The following NTNG1 variants were observed in gnomAD, a reference collection of about 807,000 sequenced individuals.
The protein encoded by NTNG1 is netrin-G1.
A neutral mutation model predicts 54.0 loss-of-function variants in NTNG1; 16 were observed. The ratio of observed to expected loss-of-function variants is 0.30; its 90% confidence interval spans 0.20 to 0.45. NTNG1 has a LOEUF of 0.45. Among genes scored for constraint, NTNG1 ranks in the 20% least tolerant of loss-of-function variants. The pLI is 1.00. For synonymous variants in NTNG1, 255 were observed against 263.1 expected (o/e 0.97, Z 0.30); for missense variants, 530 against 678.7 (o/e 0.78, Z 2.43).
At chr1:107,361,385 A>T (rs1236177243) in intron 3 of NTNG1, among the ~76,000 whole-genome samples, 22 of 72,572 alleles carry the variant, frequency 3.0e-4, no homozygotes, top group African/African-American at 9.2e-4. Flanking sequence ...ATATATATAT[A>T]TATATATTTT....
chr1:107,365,720 C>T (rs1441779034), intron 3 of NTNG1, among the ~76,000 whole-genome samples: 2 of 152,042 alleles, frequency 1.3e-5, no homozygotes, highest in African/African-American at 2.4e-5. Context: ...TAACATAATC[C>T]CTCAGGATCT....
intron 3 of NTNG1, among the ~76,000 whole-genome samples, chr1:107,359,961 A>G (rs549873862): frequency 2.0e-5 from 3 of 152,276 alleles, no homozygotes; most frequent in African/African-American, 7.2e-5. Flanking sequence ...GTCCCCAGAT[A>G]TATCTTATTT....
rs145338990 is a variant in NTNG1 at position 107,429,822 on chromosome 1, T to A, written c.1088-928T>A. Among the ~76,000 whole-genome samples, 506 of 152,256 alleles carry A rather than the reference T, an allele frequency of 3.3e-3. 3 individuals carry two copies. The highest frequency in any genetic ancestry group is 0.011 in the African/African-American group (471 of 41,570). ...TTTATTTTTAAAAGGTTGAATTGGA[T>A]TTACAACTTCTTTCTCTAGTTGAGA... On this transcript the variant is annotated intron_variant, in intron 5 of 7. Transcript: ENST00000370068.
At chr1:107,438,489 C>A (rs1015037115) in intron 7 of NTNG1, among the ~76,000 whole-genome samples, 1 of 152,106 alleles carries the variant, frequency 6.6e-6, no homozygotes, top group Non-Finnish European at 1.5e-5. Context: ...TCAATCATGG[C>A]ACAGCTAGAC....
intron 3 of NTNG1, among the ~76,000 whole-genome samples, chr1:107,381,718 T>C (rs771292511): frequency 3.3e-5 from 5 of 152,176 alleles, no homozygotes; most frequent in Non-Finnish European, 5.9e-5. Flanking sequence ...TTAAACCAAA[T>C]AGAGATTATT....
At chr1:107,353,336 G>T (rs551077682) in intron 3 of NTNG1, among the ~76,000 whole-genome samples, 34 of 152,124 alleles carry the variant, frequency 2.2e-4, no homozygotes, top group African/African-American at 7.7e-4. Context: ...AATTTATTTT[G>T]CCAGATACCC....
intron 2 of NTNG1, among the ~76,000 whole-genome samples, chr1:107,221,560 A>G (rs972274504): frequency 3.3e-5 from 5 of 152,162 alleles, no homozygotes; most frequent in East Asian, 1.9e-4. Context: ...CTTTCTAGGT[A>G]GAGGGAACAT....
At chr1:107,250,491 A>G (rs1330739492) in intron 2 of NTNG1, among the ~76,000 whole-genome samples, 2 of 152,182 alleles carry the variant, frequency 1.3e-5, no homozygotes, top group Non-Finnish European at 2.9e-5. Context: ...TGTGCTGACC[A>G]TGGCACATGT....
At chr1:107,177,591 C>T (rs1289363241) in intron 2 of NTNG1, among the ~76,000 whole-genome samples, 1 of 152,114 alleles carries the variant, frequency 6.6e-6, no homozygotes, top group Non-Finnish European at 1.5e-5. Flanking sequence ...CCTCAGCCTC[C>T]CAAAGTGCTG....
intron 2 of NTNG1, among the ~76,000 whole-genome samples, chr1:107,258,619 C>T (rs1405803864): frequency 2.0e-5 from 3 of 152,100 alleles, no homozygotes; most frequent in East Asian, 3.9e-4. Context: ...CCTGATTTTC[C>T]AAATGAGAAA....
chr1:107,149,668 A>G (rs898087812), intron 2 of NTNG1, among the ~76,000 whole-genome samples: 6 of 152,132 alleles, frequency 3.9e-5, no homozygotes, highest in Non-Finnish European at 5.9e-5. Flanking sequence ...TAAGAAAGAC[A>G]TGGCTGACAA....
At chr1:107,201,182 A>G (rs2101286709) in intron 2 of NTNG1, among the ~76,000 whole-genome samples, 1 of 150,800 alleles carries the variant, frequency 6.6e-6, no homozygotes, top group East Asian at 1.9e-4. Flanking sequence ...ATTCTCACAG[A>G]TAATGATGGA....
chr1:107,368,336 A>G (rs550227939), intron 3 of NTNG1, among the ~76,000 whole-genome samples: 4 of 152,320 alleles, frequency 2.6e-5, no homozygotes, highest in East Asian at 1.9e-4. Flanking sequence ...CCTAAAAAAA[A>G]AAAACATTGG....
chr1:107,363,819 ATAT>A (rs1039850612), intron 3 of NTNG1, among the ~76,000 whole-genome samples: 5 of 152,218 alleles, frequency 3.3e-5, no homozygotes, highest in Non-Finnish European at 7.3e-5. Flanking sequence ...ATTTCCTCAA[ATAT>A]TATATACAAT....
At chr1:107,333,247 C>A (rs971216483) in intron 3 of NTNG1, among the ~76,000 whole-genome samples, 7 of 152,040 alleles carry the variant, frequency 4.6e-5, no homozygotes, top group Non-Finnish European at 1.0e-4. Flanking sequence ...AATAGATTCT[C>A]ACTCTGGTTG....
At chr1:107,463,258 G>A (rs762946175) in intron 7 of NTNG1, among the ~76,000 whole-genome samples, 1 of 152,196 alleles carries the variant, frequency 6.6e-6, no homozygotes, top group African/African-American at 2.4e-5. Flanking sequence ...AACTGATAAA[G>A]GTTGGAAATC....
intron 3 of NTNG1, among the ~76,000 whole-genome samples, chr1:107,343,408 T>C (rs1186093430): frequency 6.6e-6 from 1 of 152,054 alleles, no homozygotes; most frequent in Non-Finnish European, 1.5e-5. Flanking sequence ...CCATAGAAAT[T>C]AACTATGGAT....
chr1:107,192,143 C>A (rs1170284775), intron 2 of NTNG1, among the ~76,000 whole-genome samples: 1 of 152,138 alleles, frequency 6.6e-6, no homozygotes, highest in Admixed American at 6.5e-5. Context: ...AGGTCCTTGA[C>A]ATCCCTTGTA....
intron 2 of NTNG1, among the ~76,000 whole-genome samples, chr1:107,318,531 C>CAA (rs34623522): frequency 1.5e-4 from 21 of 140,100 alleles, no homozygotes; most frequent in Non-Finnish European, 2.2e-4. Context: ...TGTGAAATTG[C>CAA]AAAAAAAAAA....
Sources: allele counts gnomAD v4.1 joint callset (sites outside exome capture counted in the v4.1 genomes callset), GRCh38; gene constraint gnomAD v4.1.1; transcripts MANE v1.5; gene names NCBI Gene and HGNC (gene_info 2026-07-23, HGNC 2026-07-21).